The following CDYL2 variants were observed in gnomAD, a reference collection of about 807,000 sequenced individuals.
CDYL2 encodes chromodomain Y-like protein 2.
CDYL2 carries 23 observed loss-of-function variants against 49.4 expected under a neutral mutation model. That is an observed-to-expected ratio of 0.47 (90% CI 0.34 to 0.66). CDYL2 has a LOEUF of 0.66. Ranked by LOEUF, CDYL2 falls within the 30% of genes least tolerant of loss-of-function variation. CDYL2 has a pLI of 0.01. For missense variants in CDYL2, 678 were observed against 656.4 expected (o/e 1.03, Z -0.36); for synonymous variants, 360 against 268.8 (o/e 1.34, Z -3.32).
chr16:80,792,291 A>C (rs1241419040), intron 1 of CDYL2, among the ~76,000 whole-genome samples: 1 of 152,204 alleles, frequency 6.6e-6, no homozygotes, highest in Non-Finnish European at 1.5e-5. Context: ...GGACAAAACC[A>C]TGAGAAACTG....
chr16:80,601,399 G>C lies in CDYL2; in HGVS notation c.*2989C>G, dbSNP rs971667914. On this transcript the variant is annotated 3_prime_UTR_variant, in exon 7 of 7. Coordinates refer to ENST00000570137, the MANE Select transcript of CDYL2 (RefSeq NM_152342.4). ...TATTCTTTCAAACCCAAAGGTAATT[G>C]CAGGACGGGGCTGCCAAAATGAGCC... The C allele has an allele frequency of 6.6e-6, 1 of 152,176 alleles. No homozygotes were observed. Among genetic ancestry groups the C allele is most frequent in the Non-Finnish European group, 1.5e-5 (1 of 68,058 alleles). 9.4% of individuals were successfully genotyped at this position (152,176 alleles called of 1,614,324 possible).
chr16:80,759,118 A>ATATATATATATATGGTT (rs1555535880), intron 1 of CDYL2, among the ~76,000 whole-genome samples: 11 of 118,464 alleles, frequency 9.3e-5, no homozygotes, highest in East Asian at 5.2e-4. Context: ...ATATATATAT[A>ATATATATATATATGGTT]TATATATATA....
intron 1 of CDYL2, among the ~76,000 whole-genome samples, chr16:80,715,594 T>C (rs527559060): frequency 6.6e-6 from 1 of 152,048 alleles, no homozygotes; most frequent in South Asian, 2.1e-4. Context: ...TTTCCTCCAC[T>C]CTCACATTGC....
At chr16:80,722,078 T>C (rs1396885533) in intron 1 of CDYL2, among the ~76,000 whole-genome samples, 1 of 152,138 alleles carries the variant, frequency 6.6e-6, no homozygotes, top group Non-Finnish European at 1.5e-5. Flanking sequence ...AAAATAAAAA[T>C]TCCCAGTGAT....
intron 1 of CDYL2, among the ~76,000 whole-genome samples, chr16:80,775,248 T>C (rs765191534): frequency 5.9e-5 from 9 of 151,898 alleles, no homozygotes; most frequent in Non-Finnish European, 8.8e-5. Flanking sequence ...AGTAAATTTA[T>C]ATTTAAATCT....
At chr16:80,778,649 C>T (rs1412640443) in intron 1 of CDYL2, among the ~76,000 whole-genome samples, 3 of 151,902 alleles carry the variant, frequency 2.0e-5, no homozygotes, top group African/African-American at 7.2e-5. Context: ...CAACTTTATC[C>T]AAAGTTACGT....
At chr16:80,623,503 G>C (rs1567544788) in intron 3 of CDYL2, among the ~76,000 whole-genome samples, 1 of 152,102 alleles carries the variant, frequency 6.6e-6, no homozygotes, top group Non-Finnish European at 1.5e-5. Context: ...ATGGTCCTTA[G>C]ACCAGCAGCT....
intron 3 of CDYL2, chr16:80,627,711 A>G (rs1380725705): frequency 2.0e-5 from 3 of 152,192 alleles, no homozygotes; most frequent in Non-Finnish European, 4.4e-5. Flanking sequence ...GCATATAACT[A>G]CCTCTCAATG....
chr16:80,640,905 G>A lies in CDYL2; in HGVS notation c.617-7669C>T, dbSNP rs561892648. 1.1e-4 allele frequency among the ~76,000 whole-genome samples: 17 copies of A among 152,094 alleles called. 1 individual carries two copies. The highest frequency in any genetic ancestry group is 7.9e-4 in the Admixed American group (12 of 15,274). On this transcript the variant is annotated intron_variant, in intron 2 of 6. Transcript: ENST00000570137. Reference sequence around the variant, plus strand: ...GCTATTTGAAAATATATAGTCAGAGGAAATAAAAGAAAAAGGAATAAAAAA... The same window carrying A: ...GCTATTTGAAAATATATAGTCAGAGAAAATAAAAGAAAAAGGAATAAAAAA...
intron 2 of CDYL2, among the ~76,000 whole-genome samples, chr16:80,643,745 G>A (rs1382682015): frequency 6.6e-6 from 1 of 152,192 alleles, no homozygotes; most frequent in South Asian, 2.1e-4. Flanking sequence ...GCCATGGCTG[G>A]AGCAGCTGGG....
chr16:80,617,647 C>T (rs963893887), intron 4 of CDYL2, among the ~76,000 whole-genome samples: 1 of 152,160 alleles, frequency 6.6e-6, no homozygotes, highest in African/African-American at 2.4e-5. Context: ...ATGGGCGAGC[C>T]ACAGTCTCTT....
intron 4 of CDYL2, among the ~76,000 whole-genome samples, chr16:80,617,926 G>T (rs1346170834): frequency 6.6e-6 from 1 of 152,186 alleles, no homozygotes; most frequent in African/African-American, 2.4e-5. Flanking sequence ...GACATCAAAA[G>T]ATGCGCTGGC....
chr16:80,631,207 T>A (rs929985086), intron 3 of CDYL2, among the ~76,000 whole-genome samples: 3 of 152,158 alleles, frequency 2.0e-5, no homozygotes, highest in African/African-American at 7.2e-5. Context: ...CTATACAATG[T>A]GGATCATAAC....
intron 1 of CDYL2, among the ~76,000 whole-genome samples, chr16:80,783,840 T>C (rs561610751): frequency 6.6e-6 from 1 of 152,214 alleles, no homozygotes; most frequent in Non-Finnish European, 1.5e-5. Context: ...GTATGAAATA[T>C]ACAAAATAGG....
intron 1 of CDYL2, among the ~76,000 whole-genome samples, chr16:80,685,878 T>C (rs1345271577): frequency 6.6e-6 from 1 of 152,114 alleles, no homozygotes; most frequent in Non-Finnish European, 1.5e-5. Context: ...GCAAAAATCT[T>C]CCACAGTGAC....
chr16:80,690,349 C>A (rs1020250357), intron 1 of CDYL2, among the ~76,000 whole-genome samples: 4 of 151,996 alleles, frequency 2.6e-5, no homozygotes, highest in African/African-American at 7.3e-5. Flanking sequence ...GGGAGACCAC[C>A]CCCTCCTCCT....
At position 80,608,150 on chromosome 16, in the gene CDYL2, G is replaced by A; in HGVS notation, c.1304C>T (p.Thr435Ile). 1.2e-6 allele frequency: 2 copies of A among 1,605,762 alleles called. No homozygotes were observed. The highest frequency in any genetic ancestry group is 1.7e-6 in the Non-Finnish European group (2 of 1,176,366). The change falls in exon 6 of 7, where the codon ACC becomes ATC. Residue 435 changes from threonine (T) to isoleucine (I), a missense_variant. Thr to Ile is a moderately conservative substitution (Grantham distance 89). Transcript: ENST00000570137. ...CAGCATGACCTCCTGGCTGAACGTG[G>A]TGGGCCAGAAGACCTGCGACACCAG... ...RGLVSQVFWP[T>I]TFSQEVMLRV...
At chr16:80,750,210 G>T (rs1906083169) in intron 1 of CDYL2, among the ~76,000 whole-genome samples, 3 of 151,732 alleles carry the variant, frequency 2.0e-5, no homozygotes, top group South Asian at 4.2e-4. Context: ...ATGTACCCTA[G>T]AACTTAAAAT....
At chr16:80,678,001 G>C (rs1909823786) in intron 2 of CDYL2, among the ~76,000 whole-genome samples, 1 of 151,900 alleles carries the variant, frequency 6.6e-6, no homozygotes, top group East Asian at 1.9e-4. Flanking sequence ...AGAAAAACAA[G>C]AAATGGGGAA....
Sources: allele counts gnomAD v4.1 joint callset (sites outside exome capture counted in the v4.1 genomes callset), GRCh38; gene constraint gnomAD v4.1.1; transcripts MANE v1.5; gene names NCBI Gene and HGNC (gene_info 2026-07-23, HGNC 2026-07-21).